RBFOX1: variants seen among roughly 807,000 people sequenced by gnomAD.
The protein encoded by RBFOX1 is RNA binding fox-1 homolog 1.
A neutral mutation model predicts 57.7 loss-of-function variants in RBFOX1; 8 were observed. That is an observed-to-expected ratio of 0.14 (90% CI 0.08 to 0.25). The LOEUF (loss-of-function observed/expected upper bound fraction) is 0.25, where lower values mean the gene tolerates loss of function less well. Among genes scored for constraint, RBFOX1 ranks in the 10% least tolerant of loss-of-function variants. The pLI is 1.00. For missense variants in RBFOX1, 611 were observed against 548.5 expected (o/e 1.11, Z -1.14); for synonymous variants, 326 against 222.4 (o/e 1.47, Z -4.15).
At chr16:5,942,390 G>A (rs906242474) in intron 4 of RBFOX1, among the ~76,000 whole-genome samples, 1 of 152,158 alleles carries the variant, frequency 6.6e-6, no homozygotes, top group Non-Finnish European at 1.5e-5. Context: ...GTTGAGTCAT[G>A]AGTCACGGGT....
At chr16:5,586,628 C>T (rs1433747614) in intron 2 of RBFOX1, among the ~76,000 whole-genome samples, 1 of 152,182 alleles carries the variant, frequency 6.6e-6, no homozygotes, top group South Asian at 2.1e-4. Flanking sequence ...TCCTAAGTAG[C>T]TGGGGCTACA....
chr16:5,550,685 G>C (rs2045426296), intron 2 of RBFOX1, among the ~76,000 whole-genome samples: 1 of 152,116 alleles, frequency 6.6e-6, no homozygotes, highest in Admixed American at 6.6e-5. Context: ...AGCAGACAAA[G>C]CTCCCTGTCC....
At chr16:6,123,582 G>A (rs960086993) in intron 1 of RBFOX1, among the ~76,000 whole-genome samples, 32 of 152,142 alleles carry the variant, frequency 2.1e-4, no homozygotes, top group African/African-American at 6.8e-4. Context: ...GGGTAGCAGC[G>A]ATGGTTGTAT....
At chr16:6,565,631 C>G (rs1331330900) in intron 2 of RBFOX1, among the ~76,000 whole-genome samples, 1 of 151,060 alleles carries the variant, frequency 6.6e-6, no homozygotes, top group Non-Finnish European at 1.5e-5. Context: ...CCACGCCTGG[C>G]TATTTTTTTG....
At chr16:6,793,650 C>T (rs1295274856) in intron 3 of RBFOX1, among the ~76,000 whole-genome samples, 1 of 152,186 alleles carries the variant, frequency 6.6e-6, no homozygotes, top group Admixed American at 6.5e-5. Context: ...AAATCTTGAG[C>T]CAAAGTATTA....
chr16:5,684,081 G>A (rs1385130073), intron 3 of RBFOX1, among the ~76,000 whole-genome samples: 1 of 151,990 alleles, frequency 6.6e-6, no homozygotes, highest in African/African-American at 2.4e-5. Flanking sequence ...AACTTTATAG[G>A]TTTTCTCACA....
At chr16:5,706,713 T>A (rs4346207) in intron 3 of RBFOX1, among the ~76,000 whole-genome samples, 3 of 151,798 alleles carry the variant, frequency 2.0e-5, no homozygotes, top group African/African-American at 7.3e-5. Context: ...AATGAAATGA[T>A]TTTGGTATTT....
At position 7,583,994 on chromosome 16, in the gene RBFOX1, G is replaced by A. The variant is rs547550443; in HGVS notation, c.415-3253G>A. On this transcript the variant is annotated intron_variant, in intron 6 of 15. Coordinates refer to ENST00000550418, the MANE Select transcript of RBFOX1 (RefSeq NM_018723.4). ...ACGAGACGGGCTTGCCTGTACTTAT[G>A]ACGTTAATGGAAAGTTCCATCTACC... 4.6e-5 allele frequency among the ~76,000 whole-genome samples: 7 copies of A among 152,226 alleles called. No homozygotes were observed. The South Asian group carries it at 6.2e-4, about 14-fold the overall frequency.
At chr16:7,334,532 T>C (rs1390591548) in intron 4 of RBFOX1, among the ~76,000 whole-genome samples, 3 of 152,192 alleles carry the variant, frequency 2.0e-5, no homozygotes, top group African/African-American at 7.2e-5. Context: ...CTATGCTGAT[T>C]GATGCTGAAA....
intron 4 of RBFOX1, among the ~76,000 whole-genome samples, chr16:7,429,621 G>A (rs1206412202): frequency 1.3e-5 from 2 of 152,136 alleles, no homozygotes; most frequent in African/African-American, 2.4e-5. Flanking sequence ...GTCGTCAGGT[G>A]GATGAATACA....
At chr16:7,267,319 G>C (rs563208545) in intron 4 of RBFOX1, among the ~76,000 whole-genome samples, 2 of 152,162 alleles carry the variant, frequency 1.3e-5, no homozygotes, top group Non-Finnish European at 2.9e-5. Context: ...CGGATCACTT[G>C]AGGTCGGCAG....
chr16:6,211,291 C>T (rs796917784), intron 1 of RBFOX1, among the ~76,000 whole-genome samples: 78 of 143,084 alleles, frequency 5.5e-4, no homozygotes, highest in African/African-American at 1.8e-3. Flanking sequence ...GGCAGTGGCA[C>T]GATCTCCGCT....
chr16:6,532,853 T>C (rs180892462), intron 2 of RBFOX1, among the ~76,000 whole-genome samples: 6 of 152,322 alleles, frequency 3.9e-5, no homozygotes, highest in East Asian at 1.9e-4. Flanking sequence ...TCTCAGACTT[T>C]CCATGTGAAT....
At chr16:6,141,223 G>A (rs1040850153) in intron 1 of RBFOX1, among the ~76,000 whole-genome samples, 1 of 152,154 alleles carries the variant, frequency 6.6e-6, no homozygotes, top group Non-Finnish European at 1.5e-5. Context: ...CTAAATGTCA[G>A]CCTCTTTTCT....
At chr16:7,598,738 G>A (rs558274972) in intron 9 of RBFOX1, among the ~76,000 whole-genome samples, 1 of 151,756 alleles carries the variant, frequency 6.6e-6, no homozygotes, top group African/African-American at 2.4e-5. Context: ...TTTTTAATTG[G>A]GTTTTTTAAT....
intron 2 of RBFOX1, among the ~76,000 whole-genome samples, chr16:6,398,114 G>C (rs1353697408): frequency 6.6e-6 from 1 of 152,184 alleles, no homozygotes; most frequent in Non-Finnish European, 1.5e-5. Flanking sequence ...GGAAAGAGAA[G>C]TGCTGAAGAA....
intron 3 of RBFOX1, among the ~76,000 whole-genome samples, chr16:6,992,158 G>C (rs1163901073): frequency 7.0e-6 from 1 of 143,612 alleles, no homozygotes; most frequent in Non-Finnish European, 1.5e-5. Context: ...CAAGCTCATA[G>C]AGAAGCAATT....
chr16:6,246,225 G>A (rs1399602855), intron 1 of RBFOX1, among the ~76,000 whole-genome samples: 1 of 152,158 alleles, frequency 6.6e-6, no homozygotes, highest in African/African-American at 2.4e-5. Flanking sequence ...CTCAAGCTTT[G>A]TGACTGGAAC....
chr16:6,199,817 A>G (rs1470946601), intron 1 of RBFOX1, among the ~76,000 whole-genome samples: 1 of 152,168 alleles, frequency 6.6e-6, no homozygotes, highest in Non-Finnish European at 1.5e-5. Flanking sequence ...TAGCACAACA[A>G]ATTTACACAC....
Sources: gnomAD v4.1 joint callset for allele counts (sites outside exome capture counted in the v4.1 genomes callset) on GRCh38, gnomAD v4.1.1 for gene constraint, MANE v1.5 for transcripts, NCBI Gene and HGNC (gene_info 2026-07-23, HGNC 2026-07-21) for gene names.